KLF17: variants seen among roughly 807,000 people sequenced by gnomAD.
KLF17 encodes KLF transcription factor 17.
KLF17 carries 31 observed loss-of-function variants against 34.2 expected under a neutral mutation model. The observed-to-expected ratio is 0.91, with a 90% CI of 0.68 to 1.22. The LOEUF (loss-of-function observed/expected upper bound fraction) is 1.22, where lower values mean the gene tolerates loss of function less well. Ranked by LOEUF, KLF17 falls within the 50% of genes most tolerant of loss-of-function variation. The pLI is 0.00. For synonymous variants in KLF17, 179 were observed against 186.7 expected (o/e 0.96, Z 0.34); for missense variants, 478 against 505.2 (o/e 0.95, Z 0.52).
At chr1:44,104,213 T>C in the KLF17 span, 14 of 1,090,962 alleles carry the variant, frequency 1.3e-5, no homozygotes, top group Non-Finnish European at 2.0e-5. Flanking sequence ...TCTCCATCTC[T>C]GTACGCTTAT....
chr1:44,049,058 G>A, the KLF17 span, among the ~76,000 whole-genome samples: 1 of 152,168 alleles, frequency 6.6e-6, no homozygotes. Context: ...TGGAGCCTGG[G>A]AAGTCCAAGA....
At chr1:44,127,195 C>T (rs1459984837) in intron 1 of KLF17, among the ~76,000 whole-genome samples, 1 of 151,950 alleles carries the variant, frequency 6.6e-6, no homozygotes, top group African/African-American at 2.4e-5. Flanking sequence ...AGGCATGAGC[C>T]ACTGTGCCTA....
the KLF17 span, among the ~76,000 whole-genome samples, chr1:44,087,306 T>C: frequency 3.3e-5 from 5 of 151,944 alleles, no homozygotes; most frequent in African/African-American, 1.2e-4. Flanking sequence ...CCAGGCTGTA[T>C]TGCAGTGGTG....
the KLF17 span, among the ~76,000 whole-genome samples, chr1:44,097,934 T>C: frequency 2.6e-5 from 4 of 152,214 alleles, no homozygotes; most frequent in Admixed American, 6.5e-5. Context: ...TTTACATATG[T>C]TGAACCATCC....
chr1:44,123,411 A>G (rs1010631661), intron 1 of KLF17, among the ~76,000 whole-genome samples: 1 of 152,098 alleles, frequency 6.6e-6, no homozygotes, highest in African/African-American at 2.4e-5. Context: ...TTGGTGTGCA[A>G]TTTTTCATAA....
chr1:44,094,670 C>A, the KLF17 span, among the ~76,000 whole-genome samples: 12 of 152,110 alleles, frequency 7.9e-5, no homozygotes, highest in South Asian at 1.2e-3. Context: ...AATTTTATTT[C>A]TGGGTTCTCT....
the KLF17 span, chr1:44,104,367 G>A: frequency 1.8e-6 from 2 of 1,131,330 alleles, no homozygotes; most frequent in Non-Finnish European, 2.6e-6. Context: ...CATGTTGTCC[G>A]TGTTGCTCCC....
the KLF17 span, among the ~76,000 whole-genome samples, chr1:44,071,053 T>C: frequency 2.6e-5 from 4 of 152,164 alleles, no homozygotes; most frequent in African/African-American, 9.7e-5. Context: ...CTCAACCCCC[T>C]GCAACTTCAG....
chr1:44,130,703 C>T lies in KLF17; in HGVS notation c.1117C>T (p.Gln373Ter). ...KTHRPGPSDP[Q>*]ANNNNGEQDS... ...TCATCGGCCGGGACCCTCAGACCCA[C>T]AGGCCAACAACAACAATGGAGAGCA... The change falls in exon 3 of 4, where the codon CAG becomes TAG. Residue 373 changes from glutamine to a stop codon, truncating the protein, a stop_gained. Coordinates refer to ENST00000372299, the MANE Select transcript of KLF17 (RefSeq NM_173484.4). LOFTEE classifies it high-confidence loss of function. The T allele has an allele frequency of 1.2e-6, 2 of 1,608,032 alleles. No individual in the cohort carries two copies. Among genetic ancestry groups the T allele is most frequent in the East Asian group, 4.5e-5 (2 of 44,480 alleles).
At chr1:44,060,333 T>C in the KLF17 span, among the ~76,000 whole-genome samples, 2 of 152,068 alleles carry the variant, frequency 1.3e-5, no homozygotes, top group African/African-American at 2.4e-5. Context: ...CCGGGCGTGG[T>C]GGCGAGTACC....
chr1:44,119,067 G>A (rs2087914592), intron 1 of KLF17, 79 bp downstream of exon 1: 1 of 1,109,026 alleles, frequency 9.0e-7, no homozygotes, highest in Non-Finnish European at 1.3e-6. Context: ...TTGGAGGAGA[G>A]GTGAGGCGGA....
the KLF17 span, among the ~76,000 whole-genome samples, chr1:44,066,083 G>A: frequency 6.6e-6 from 1 of 152,146 alleles, no homozygotes; most frequent in Non-Finnish European, 1.5e-5. Flanking sequence ...TTGGGAGACC[G>A]AGGTGGGAAA....
Position 44,119,001 on chromosome 1 carries a change from C to A in KLF17, c.81+13C>A, listed in dbSNP as rs199906309. On this transcript the variant is annotated intron_variant, in intron 1 of 3. Coordinates refer to ENST00000372299, the MANE Select transcript of KLF17 (RefSeq NM_173484.4). ...CCAGGCTGCCCAGGTGAGTCAGGTG[C>A]CAGCCCCTGGCAGGCCGGGCGGGCC... The A allele has an allele frequency of 7.1e-4, 1,136 of 1,595,738 alleles. 6 individuals are homozygous for A. The African/African-American group carries it at 0.014, about 19-fold the overall frequency.
chr1:44,083,280 G>C, the KLF17 span, among the ~76,000 whole-genome samples: 1 of 140,588 alleles, frequency 7.1e-6, no homozygotes, highest in African/African-American at 2.5e-5. Context: ...AATTGAGTAG[G>C]GTTTTTTTTT....
the KLF17 span, among the ~76,000 whole-genome samples, chr1:44,071,212 T>C: frequency 6.6e-6 from 1 of 152,200 alleles, no homozygotes; most frequent in Non-Finnish European, 1.5e-5. Context: ...TTCCACTTCT[T>C]ACTCCCCTCC....
chr1:44,053,823 CTTG>C, the KLF17 span, among the ~76,000 whole-genome samples: 1 of 152,212 alleles, frequency 6.6e-6, no homozygotes, highest in Admixed American at 6.5e-5. Context: ...TTACTATCCA[CTTG>C]TTGTACTGTA....
the KLF17 span, among the ~76,000 whole-genome samples, chr1:44,086,420 C>T: frequency 2.0e-5 from 3 of 152,044 alleles, no homozygotes; most frequent in African/African-American, 4.8e-5. Context: ...GAGCTGAGAT[C>T]GCGCCATTGC....
At chr1:44,132,199 G>A (rs536206194) in intron 3 of KLF17, among the ~76,000 whole-genome samples, 180 of 152,162 alleles carry the variant, frequency 1.2e-3, no homozygotes, top group African/African-American at 4.0e-3. Context: ...CCAGTTATTC[G>A]AGAGGCTGAG....
chr1:44,064,007 G>A, the KLF17 span, among the ~76,000 whole-genome samples: 5 of 152,280 alleles, frequency 3.3e-5, no homozygotes, highest in East Asian at 3.9e-4. Flanking sequence ...AGGGCAGTGC[G>A]GGGCCAGAGC....
Sources: allele counts gnomAD v4.1 joint callset (sites outside exome capture counted in the v4.1 genomes callset), GRCh38; gene constraint gnomAD v4.1.1; transcripts MANE v1.5; gene names NCBI Gene and HGNC (gene_info 2026-07-23, HGNC 2026-07-21).